WDR76: variants seen among roughly 807,000 people sequenced by gnomAD.
WDR76 encodes the protein WD repeat domain 76.
Under a neutral mutation model 70.2 loss-of-function variants are expected in WDR76, and 52 were observed. The ratio of observed to expected loss-of-function variants is 0.74; its 90% CI spans 0.59 to 0.93. WDR76 has a LOEUF of 0.93. WDR76 is among the 40% of genes least tolerant of loss of function. WDR76 has a pLI of 0.00. For synonymous variants in WDR76, 292 were observed against 271.1 expected, an observed-to-expected ratio of 1.08 and a Z score of -0.76; for missense variants, 756 against 760.2, an observed-to-expected ratio of 0.99 and a Z score of 0.07.
intron 1 of WDR76, among the ~76,000 whole-genome samples, chr15:43,827,708 C>G (rs866491584): frequency 6.6e-6 from 1 of 152,048 alleles, no homozygotes; most frequent in African/African-American, 2.4e-5. Context: ...CTATGCCCAG[C>G]TAATTTTTGT....
At chr15:43,847,916 T>G (rs2087808854) in intron 8 of WDR76, among the ~76,000 whole-genome samples, 1 of 152,096 alleles carries the variant, frequency 6.6e-6, no homozygotes, top group Non-Finnish European at 1.5e-5. Flanking sequence ...TTTTAGAACA[T>G]TTTCATCATC....
chr15:43,838,798 T>A (rs1388253811), intron 4 of WDR76, among the ~76,000 whole-genome samples: 1 of 152,156 alleles, frequency 6.6e-6, no homozygotes, highest in Non-Finnish European at 1.5e-5. Context: ...TCTTAGTGCT[T>A]ATGTATGGGA....
intron 10 of WDR76, chr15:43,857,420 C>T: frequency 1.0e-6 from 1 of 973,324 alleles, no homozygotes; most frequent in Non-Finnish European, 1.2e-6. Context: ...TATGCATTCG[C>T]CTCTTATGAG....
Position 43,866,621 on chromosome 15 carries a change from ACTT to A in WDR76, c.*230_*232del. On this transcript the variant is annotated 3_prime_UTR_variant, in exon 13 of 13. Transcript: ENST00000263795. ...GAGGGGAGGCTGAGGTGCCGTCAGGACTTTTTTTTTTTTTTTTTTTTTGAGATG... is the reference window on the plus strand; with the variant it reads ...GAGGGGAGGCTGAGGTGCCGTCAGGATTTTTTTTTTTTTTTTTTTGAGATG... The A allele has an allele frequency of 1.1e-5, 3 of 275,238 alleles. No homozygotes were observed. Among genetic ancestry groups the A allele is most frequent in the Non-Finnish European group, 1.2e-5 (2 of 165,796 alleles). 17.0% of individuals were successfully genotyped at this position (275,238 alleles called of 1,614,324 possible).
At chr15:43,827,611 C>A (rs2087533016) in intron 1 of WDR76, among the ~76,000 whole-genome samples, 1 of 151,892 alleles carries the variant, frequency 6.6e-6, no homozygotes, top group Non-Finnish European at 1.5e-5. Context: ...GTGGTGTGAT[C>A]TCGGCTCACT....
chr15:43,855,346 T>C (rs776533438), intron 9 of WDR76, among the ~76,000 whole-genome samples: 1 of 152,222 alleles, frequency 6.6e-6, no homozygotes, highest in Non-Finnish European at 1.5e-5. Flanking sequence ...TTTATGAGGT[T>C]GCTCAAGGAC....
chr15:43,862,787 C>T (rs1175231588), intron 12 of WDR76, among the ~76,000 whole-genome samples: 1 of 152,020 alleles, frequency 6.6e-6, no homozygotes, highest in Non-Finnish European at 1.5e-5. Context: ...GGATTACAGG[C>T]GTGAGCCACC....
chr15:43,840,032 T>A (rs551476481), intron 5 of WDR76, among the ~76,000 whole-genome samples: 3 of 152,052 alleles, frequency 2.0e-5, no homozygotes, highest in African/African-American at 7.2e-5. Context: ...TGATTTTTTT[T>A]ATTTTTGGTA....
chr15:43,856,338 T>C (rs1427748711), intron 9 of WDR76, among the ~76,000 whole-genome samples: 1 of 152,190 alleles, frequency 6.6e-6, no homozygotes, highest in Non-Finnish European at 1.5e-5. Context: ...AAAATGTATA[T>C]ATTTACTCTT....
At chr15:43,848,070 A>C (rs80335176) in intron 8 of WDR76, among the ~76,000 whole-genome samples, 1,957 of 147,014 alleles carry the variant, frequency 0.013, 29 homozygotes, top group African/African-American at 0.04. Flanking sequence ...TCTCTTAAAA[A>C]AAACAAACAA....
chr15:43,840,108 C>T (rs1356304855), intron 5 of WDR76, among the ~76,000 whole-genome samples: 3 of 152,094 alleles, frequency 2.0e-5, no homozygotes, highest in African/African-American at 7.2e-5. Context: ...GTCTGCCTGC[C>T]TCGGCCTCCC....
At chr15:43,864,837 AC>A (rs1313828151) in intron 12 of WDR76, among the ~76,000 whole-genome samples, 2 of 151,980 alleles carry the variant, frequency 1.3e-5, no homozygotes, top group African/African-American at 2.4e-5. Flanking sequence ...CAGATGATCC[AC>A]CTTCCTCAGC....
At chr15:43,846,293 T>C (rs1327373265) in intron 8 of WDR76, among the ~76,000 whole-genome samples, 7 of 148,184 alleles carry the variant, frequency 4.7e-5, no homozygotes, top group African/African-American at 7.3e-5. Context: ...TTTTTTTTTT[T>C]TCCCGCCCCT....
At chr15:43,857,961 C>CTTTTTTTTTTTTTTTTTTTTTTTTT (rs397854561) in intron 10 of WDR76, among the ~76,000 whole-genome samples, 1 of 95,536 alleles carries the variant, frequency 1.0e-5, no homozygotes, top group Non-Finnish European at 2.2e-5. Context: ...AGGGTTCTGT[C>CTTTTTTTTTTTTTTTTTTTTTTTTT]TTTTTTTTTT....
chr15:43,865,407 G>A (rs2088058248), intron 12 of WDR76, among the ~76,000 whole-genome samples: 1 of 152,230 alleles, frequency 6.6e-6, no homozygotes, highest in Admixed American at 6.5e-5. Flanking sequence ...CTAGGAGCTG[G>A]GATTACAGGC....
At chr15:43,838,704 T>G (rs2087687413) in intron 4 of WDR76, among the ~76,000 whole-genome samples, 2 of 152,222 alleles carry the variant, frequency 1.3e-5, no homozygotes, top group Non-Finnish European at 2.9e-5. Flanking sequence ...ACTGTATGAA[T>G]GTACTACATT....
rs2087701264 is a variant in WDR76, at chr15:43,839,748, T to C, written c.732+20T>C. The C allele has an allele frequency of 1.3e-6, 2 of 1,581,628 alleles. No homozygotes were observed. The highest frequency in any genetic ancestry group is 1.9e-5 in the Admixed American group (1 of 53,142). ...GAAACTGTAAGGAAATGTGCAAATA[T>C]AATATTTTAATGTAATAAAATACTG... On this transcript the variant is annotated intron_variant, in intron 5 of 12. Coordinates refer to ENST00000263795, the MANE Select transcript of WDR76 (RefSeq NM_024908.4).
chr15:43,832,801 A>G (rs2087608837), intron 2 of WDR76, among the ~76,000 whole-genome samples: 1 of 123,066 alleles, frequency 8.1e-6, no homozygotes, highest in Non-Finnish European at 1.6e-5. Flanking sequence ...CCTGGCAGCT[A>G]GAATGCAGTG....
At chr15:43,832,432 G>GT (rs34944412) in intron 2 of WDR76, among the ~76,000 whole-genome samples, 33 of 149,360 alleles carry the variant, frequency 2.2e-4, no homozygotes, top group African/African-American at 5.2e-4. Context: ...GTTCATCTTT[G>GT]TTTTTTTTTT....
Sources: gnomAD v4.1 joint callset for allele counts (sites outside exome capture counted in the v4.1 genomes callset) on GRCh38, gnomAD v4.1.1 for gene constraint, MANE v1.5 for transcripts, NCBI Gene and HGNC (gene_info 2026-07-23, HGNC 2026-07-21) for gene names.